Variants in MPND observed in about 807,000 individuals in gnomAD.
MPND encodes MPN domain containing, also known as MPN domain-containing protein.
MPND carries 56 observed loss-of-function variants against 59.2 expected under a neutral mutation model. The observed-to-expected ratio is 0.95, with a 90% CI of 0.76 to 1.18. The LOEUF is 1.18. Among genes scored for constraint, MPND ranks in the 50% most tolerant of loss-of-function variants. MPND has a pLI of 0.00. For missense variants in MPND, 671 were observed against 676.0 expected, an observed-to-expected ratio of 0.99 and a Z score of 0.08; for synonymous variants, 323 against 291.9, an observed-to-expected ratio of 1.11 and a Z score of -1.09.
In MPND at chr19:4,345,727, A is replaced by C; in HGVS notation, c.295-18A>C. ...GTGGGTGTTGGTCCTGGGCCCAGCC[A>C]GCTGACTGTCACTGCAGGGGAAGAA... On this transcript the variant is annotated intron_variant, in intron 2 of 12. Coordinates refer to ENST00000599840, the MANE Select transcript of MPND (RefSeq NM_001300862.2). 6.2e-7 allele frequency: 1 copy of C among 1,612,974 alleles called. No homozygotes were observed.
In MPND at chr19:4,355,144, G is replaced by A. The variant is rs773732214; in HGVS notation, c.967G>A (p.Ala323Thr). The change falls in exon 8 of 13, where the codon GCA becomes ACA. Residue 323 changes from alanine to threonine, a missense_variant. Coordinates refer to ENST00000599840, the MANE Select transcript of MPND (RefSeq NM_001300862.2). ...CCCTTGTCGGAGCCGGCTCGGGGACGCAGAGACTGCAGCTGCCATCGAAGA... is the reference window on the plus strand; with the variant it reads ...CCCTTGTCGGAGCCGGCTCGGGGACACAGAGACTGCAGCTGCCATCGAAGA... ...AFPCRSRLGD[A>T]ETAAAIEEEI... is the part of the protein sequence containing the mutation. The A allele has an allele frequency of 5.0e-5, 80 of 1,613,282 alleles. No individual in the cohort carries two copies. Among genetic ancestry groups the A allele is most frequent in the Middle Eastern group, 1.8e-4 (1 of 5,532 alleles).
chr19:4,358,232 C>A, intron 11 of MPND, 60 bp downstream of exon 11: 1 of 1,421,064 alleles, frequency 7.0e-7, no homozygotes, highest in Non-Finnish European at 9.7e-7. Context: ...GCACACGATG[C>A]GTTGGTCTGC....
intron 2 of MPND, 97 bp downstream of exon 2, chr19:4,344,091 G>A (rs947770135): frequency 1.1e-6 from 1 of 925,288 alleles, no homozygotes; most frequent in Non-Finnish European, 1.4e-6. Flanking sequence ...TCAGTGTAGG[G>A]AGGGGACACT....
chr19:4,346,410 G>A (rs1331270814), intron 3 of MPND, among the ~76,000 whole-genome samples: 1 of 151,960 alleles, frequency 6.6e-6, no homozygotes, highest in Non-Finnish European at 1.5e-5. Flanking sequence ...GACCCTTTGT[G>A]TGCCTTAGTT....
intron 8 of MPND, chr19:4,357,011 C>T: frequency 2.4e-6 from 1 of 412,070 alleles, no homozygotes; most frequent in Non-Finnish European, 4.3e-6. Flanking sequence ...CAGCAGTGAA[C>T]AAAATGACTT....
chr19:4,343,918 G>T lies in MPND; in HGVS notation c.218G>T (p.Arg73Leu). The T allele has an allele frequency of 7.7e-7, 1 of 1,299,432 alleles. No individual in the cohort carries two copies. The highest frequency in any genetic ancestry group is 9.8e-7 in the Non-Finnish European group (1 of 1,025,590). The allele number at this position is 1,299,432 out of a possible 1,614,324, so 80.5% of individuals were successfully genotyped here. ...GGGCCCGGGGGCGCGCTCACCAGGCGCGCGGTCACACTGCGGGTGCTCCTC... is the reference window on the plus strand; with the variant it reads ...GGGCCCGGGGGCGCGCTCACCAGGCTCGCGGTCACACTGCGGGTGCTCCTC... ...CGGPGGALTR[R>L]AVTLRVLLKD... The change falls in exon 2 of 13, where the codon CGC becomes CTC. Residue 73 changes from arginine to leucine, a missense_variant. By Grantham distance (102) the Arg-to-Leu change is moderately radical (BLOSUM62 -2). Coordinates refer to ENST00000599840, the MANE Select transcript of MPND (RefSeq NM_001300862.2).
Position 4,354,128 on chromosome 19 carries a change from A to G in MPND, c.748A>G (p.Arg250Gly), listed in dbSNP as rs990720864. 2 of 1,609,826 alleles carry G rather than the reference A, an allele frequency of 1.2e-6. No homozygotes were observed. The highest frequency in any genetic ancestry group is 1.7e-6 in the Non-Finnish European group (2 of 1,176,596). The change falls in exon 5 of 13, where the codon AGG (arginine) becomes GGG (glycine). Residue 250 changes from arginine to glycine, a missense_variant and splice_region_variant. Transcript: ENST00000599840. ...YCMLGSRDLARNPHTLVEVTS... is the reference protein window; with the variant it reads ...YCMLGSRDLAGNPHTLVEVTS... ...CATGCTGGGCAGCCGCGACTTGGCC[A>G]GGTCAGACTCACCCCAAGTTCTGCC...
At position 4,360,017 on chromosome 19, in the gene MPND, G is replaced by A; in HGVS notation, c.*15G>A. The stretch of plus-strand genomic sequence containing the variant: ...AGGGGAGCTGAGCCTTCCAGGGCAG[G>A]GTGGGCTCCAGTTGTCTTGAGGGTC... On this transcript the variant is annotated 3_prime_UTR_variant, in exon 13 of 13. Coordinates refer to ENST00000599840, the MANE Select transcript of MPND (RefSeq NM_001300862.2). The A allele has an allele frequency of 6.4e-7, 1 of 1,554,476 alleles. No individual in the cohort carries two copies. The highest frequency in any genetic ancestry group is 8.7e-7 in the Non-Finnish European group (1 of 1,148,552).
At chr19:4,347,895 T>TG in intron 3 of MPND, 4 of 180,090 alleles carry the variant, frequency 2.2e-5, no homozygotes, top group Non-Finnish European at 3.5e-5. Context: ...GTGTTTTTTT[T>TG]TGTTTTTTTT....
At chr19:4,347,821 T>G (rs1205232059) in intron 3 of MPND, 3 of 337,182 alleles carry the variant, frequency 8.9e-6, no homozygotes, top group African/African-American at 2.2e-5. Flanking sequence ...CAGTCCAGTG[T>G]CTACAAGGAA....
In MPND at chr19:4,359,902, C is replaced by T. The variant is rs1255801210; in HGVS notation, c.1420-14C>T. 2.6e-6 allele frequency: 4 copies of T among 1,553,698 alleles called. No homozygotes were observed. The African/African-American group carries it at 5.5e-5, about 21-fold the overall frequency. On this transcript the variant is annotated splice_polypyrimidine_tract_variant and intron_variant, in intron 12 of 12. Transcript: ENST00000599840. ...CCCCCGGGCACAGCCTGAGGCCCAG[C>T]CCCCTCGTTTCAGATCTCCTTGGCC...
At chr19:4,347,635 T>A (rs1486101115) in intron 3 of MPND, 2 of 255,286 alleles carry the variant, frequency 7.8e-6, no homozygotes, top group Non-Finnish European at 1.6e-5. Context: ...CCACAAATGG[T>A]TACGTTATAC....
intron 2 of MPND, among the ~76,000 whole-genome samples, chr19:4,345,397 G>A (rs796891724): frequency 8.5e-5 from 13 of 152,298 alleles, no homozygotes; most frequent in African/African-American, 3.1e-4. Flanking sequence ...GTGAATGGTA[G>A]CACATTATTC....
chr19:4,358,425 A>G, intron 11 of MPND: 1 of 514,584 alleles, frequency 1.9e-6, no homozygotes. Flanking sequence ...TGTCCAGTAG[A>G]GAAACCCCAG....
intron 2 of MPND, among the ~76,000 whole-genome samples, chr19:4,344,293 A>G (rs1036046429): frequency 1.3e-5 from 2 of 150,062 alleles, no homozygotes; most frequent in Non-Finnish European, 3.0e-5. Flanking sequence ...TGGCGGCAGG[A>G]AGAGCCCCGG....
intron 3 of MPND, chr19:4,347,785 T>G: frequency 4.2e-6 from 2 of 481,152 alleles, no homozygotes; most frequent in Non-Finnish European, 7.7e-6. Context: ...AAAAAACCCT[T>G]GACCCTTCAC....
chr19:4,343,580 G>A lies in MPND; in HGVS notation c.-14G>A, dbSNP rs1398816137. ...AGCCGGAGTCTAGAGCTCCGGGCGCGGGGAGGCGCGGCCATGGCAGGTACG... is the reference window on the plus strand; with the variant it reads ...AGCCGGAGTCTAGAGCTCCGGGCGCAGGGAGGCGCGGCCATGGCAGGTACG... On this transcript the variant is annotated 5_prime_UTR_variant, in exon 1 of 13. Coordinates refer to ENST00000599840, the MANE Select transcript of MPND (RefSeq NM_001300862.2). 1.6e-6 allele frequency: 2 copies of A among 1,220,612 alleles called. No individual in the cohort carries two copies. The highest frequency in any genetic ancestry group is 2.0e-6 in the Non-Finnish European group (2 of 980,768). The allele number at this position is 1,220,612 out of a possible 1,614,324, so 75.6% of individuals were successfully genotyped here. A position where few individuals can be genotyped will look rare whatever the true frequency, so the allele number is the denominator to read the frequency against.
chr19:4,346,193 G>T (rs974184959), intron 3 of MPND, among the ~76,000 whole-genome samples: 2 of 152,196 alleles, frequency 1.3e-5, no homozygotes, highest in African/African-American at 2.4e-5. Context: ...GCAGGAGTTT[G>T]TCAGAGCAAG....
chr19:4,348,663 CT>C (rs909165208), intron 3 of MPND: 190 of 136,014 alleles, frequency 1.4e-3, no homozygotes, highest in Middle Eastern at 3.8e-3. Context: ...CTGTTGAATT[CT>C]TTTTTTTTTT....
Sources: gnomAD v4.1 joint callset for allele counts (sites outside exome capture counted in the v4.1 genomes callset) on GRCh38, gnomAD v4.1.1 for gene constraint, MANE v1.5 for transcripts, NCBI Gene and HGNC (gene_info 2026-07-23, HGNC 2026-07-21) for gene names.